Variants in CDK12 observed in about 807,000 individuals in gnomAD.
CDK12 encodes the protein cyclin-dependent kinase 12.
In CDK12, 17 loss-of-function variants were observed where a neutral mutation model predicts 133.8. The ratio of observed to expected loss-of-function variants is 0.13; its 90% confidence interval spans 0.09 to 0.19. The LOEUF (loss-of-function observed/expected upper bound fraction) is 0.19, where lower values mean the gene tolerates loss of function less well. Ranked by LOEUF, CDK12 falls within the 10% of genes least tolerant of loss-of-function variation. The probability of loss-of-function intolerance (pLI) is 1.00; values close to 1 mark genes in which losing one functional copy is unlikely to be tolerated. For synonymous variants in CDK12, 694 were observed against 683.6 expected (o/e 1.02, Z -0.24); for missense variants, 1,508 against 1,818.7 (o/e 0.83, Z 3.11).
At position 39,561,013 on chromosome 17, in the gene CDK12, C is replaced by CA. The variant is rs765704467; in HGVS notation, n.485-3738dup. Reference sequence around the variant, plus strand: ...TGGGCGACACAGCAAGACTCTGTCTCAAAAAAAAACAAACAAAAAGCAGCA... The same window carrying CA: ...TGGGCGACACAGCAAGACTCTGTCTCAAAAAAAAAACAAACAAAAAGCAGCA... On this transcript the variant is annotated intron_variant and non_coding_transcript_variant, in intron 3 of 3. Transcript: ENST00000558240. Among the ~76,000 whole-genome samples, 80 of 150,562 alleles carry CA rather than the reference C, an allele frequency of 5.3e-4. 1 individual carries two copies. The highest frequency in any genetic ancestry group is 1.6e-3 in the East Asian group (8 of 5,138).
intron 1 of CDK12, among the ~76,000 whole-genome samples, chr17:39,465,401 C>CTTT (rs55869013): frequency 6.8e-6 from 1 of 147,560 alleles, no homozygotes; most frequent in African/African-American, 2.5e-5. Flanking sequence ...CTGGATTACC[C>CTTT]TTTTTTTTTT....
intron 1 of CDK12, among the ~76,000 whole-genome samples, chr17:39,464,951 CAA>C (rs562143259): frequency 3.1e-5 from 4 of 128,768 alleles, no homozygotes; most frequent in Admixed American, 8.0e-5. Flanking sequence ...GACCCTGTCT[CAA>C]AAAAAAAAAA....
chr17:39,501,297 C>T lies in CDK12; in HGVS notation c.2467C>T (p.Leu823=), dbSNP rs2146138844. The T allele has an allele frequency of 1.9e-6, 3 of 1,612,824 alleles. No homozygotes were observed. The highest frequency in any genetic ancestry group is 2.5e-6 in the Non-Finnish European group (3 of 1,179,656). ...FEYMDHDLMG[L]LESGLVHFSE... ...GTATATGGACCATGACTTAATGGGA[C>T]TGCTAGAATCTGGTTTGGTGCACTT... The change falls in exon 6 of 14, where the codon CTG becomes TTG. Residue 823 remains leucine (L), a synonymous_variant. Transcript: ENST00000447079.
At chr17:39,515,709 C>T in intron 8 of CDK12, 22 bp from the exon 9 acceptor site, 2 of 1,532,148 alleles carry the variant, frequency 1.3e-6, no homozygotes, top group Middle Eastern at 1.7e-4. Flanking sequence ...CTCTTCTGAC[C>T]TCTCAATTTT....
At chr17:39,561,003 G>C (rs1339255588) in intron 3 of CDK12, among the ~76,000 whole-genome samples, 2 of 152,140 alleles carry the variant, frequency 1.3e-5, no homozygotes, top group African/African-American at 4.8e-5. Context: ...GACACAGCAA[G>C]ACTCTGTCTC....
intron 2 of CDK12, among the ~76,000 whole-genome samples, chr17:39,487,282 TTA>T (rs1194171698): frequency 2.6e-5 from 4 of 152,192 alleles, no homozygotes; most frequent in African/African-American, 9.6e-5. Flanking sequence ...CTGTTGAGAT[TTA>T]TGTTCTTATA....
chr17:39,517,392 G>C lies in CDK12; in HGVS notation c.2847-48G>C, dbSNP rs555458262. On this transcript the variant is annotated intron_variant, in intron 9 of 13. Coordinates refer to ENST00000447079, the MANE Select transcript of CDK12 (RefSeq NM_016507.4). Reference sequence around the variant, plus strand: ...TGCTTCTGAAACCTCCGGAATTCATGATGTTGACTCACTCACTCCATTGTT... The same window carrying C: ...TGCTTCTGAAACCTCCGGAATTCATCATGTTGACTCACTCACTCCATTGTT... The C allele has an allele frequency of 3.8e-6, 4 of 1,041,512 alleles. No individual in the cohort carries two copies. The highest frequency in any genetic ancestry group is 1.9e-5 in the Admixed American group (1 of 52,338). 64.5% of individuals were successfully genotyped at this position (1,041,512 alleles called of 1,614,324 possible).
At chr17:39,517,940 C>T (rs181601770) in intron 10 of CDK12, among the ~76,000 whole-genome samples, 1 of 151,118 alleles carries the variant, frequency 6.6e-6, no homozygotes, top group East Asian at 1.9e-4. Context: ...GCAGCCTTGA[C>T]CTGCTGGGCT....
At chr17:39,492,447 G>A (rs1276202492) in intron 3 of CDK12, among the ~76,000 whole-genome samples, 3 of 138,576 alleles carry the variant, frequency 2.2e-5, no homozygotes, top group African/African-American at 5.4e-5. Flanking sequence ...TTGCTCTGTC[G>A]CCCAGGCTGG....
chr17:39,475,423 T>G (rs567047522), intron 2 of CDK12, among the ~76,000 whole-genome samples: 12 of 152,212 alleles, frequency 7.9e-5, no homozygotes, highest in African/African-American at 2.2e-4. Flanking sequence ...CGGTGAACTA[T>G]GATTGGGCCA....
intron 5 of CDK12, among the ~76,000 whole-genome samples, chr17:39,496,596 G>A (rs2052132112): frequency 6.6e-6 from 1 of 152,004 alleles, no homozygotes; most frequent in Non-Finnish European, 1.5e-5. Context: ...AGCTACTTGG[G>A]AGGCTGAGGC....
chr17:39,487,580 AT>A (rs921846896), intron 2 of CDK12, among the ~76,000 whole-genome samples: 1 of 77,556 alleles, frequency 1.3e-5, no homozygotes, highest in Non-Finnish European at 2.9e-5. Flanking sequence ...TAGATGTCTT[AT>A]TTTTTCTGAG....
intron 6 of CDK12, among the ~76,000 whole-genome samples, chr17:39,506,507 C>T (rs778406883): frequency 2.6e-5 from 4 of 152,176 alleles, no homozygotes; most frequent in East Asian, 3.9e-4. Context: ...CGAGCCACCA[C>T]GCCTGGCCAA....
intron 6 of CDK12, 89 bp downstream of exon 6, chr17:39,501,528 C>A: frequency 1.2e-6 from 1 of 814,866 alleles, no homozygotes; most frequent in Non-Finnish European, 2.0e-6. Context: ...TATAATTAGA[C>A]CTAATAGTGC....
Position 39,533,510 on chromosome 17 carries a change from C to T in CDK12, c.*2194C>T, listed in dbSNP as rs2054985461. 3 of 233,054 alleles carry T rather than the reference C, an allele frequency of 1.3e-5. No homozygotes were observed. Among genetic ancestry groups the T allele is most frequent in the East Asian group, 1.2e-4 (2 of 16,690 alleles). The allele number at this position is 233,054 out of a possible 1,614,324, so 14.4% of individuals were successfully genotyped here. ...CTGTTCAATGAAAAAAAGTTGGTTT[C>T]CCATCAAATATGAATAAAATTCTCT... On this transcript the variant is annotated 3_prime_UTR_variant, in exon 14 of 14. Transcript: ENST00000447079.
intron 2 of CDK12, among the ~76,000 whole-genome samples, chr17:39,477,762 A>G (rs1338538226): frequency 6.6e-6 from 1 of 150,376 alleles, no homozygotes; most frequent in Non-Finnish European, 1.5e-5. Context: ...TTTAGTAGAG[A>G]TGGGGTTTCG....
At chr17:39,496,935 T>C (rs1001835545) in intron 5 of CDK12, among the ~76,000 whole-genome samples, 1 of 139,756 alleles carries the variant, frequency 7.2e-6, no homozygotes, top group Non-Finnish European at 1.5e-5. Context: ...TTTTTTTTTT[T>C]TTTTTTTAAT....
chr17:39,477,666 G>A (rs1365788235), intron 2 of CDK12, among the ~76,000 whole-genome samples: 6 of 150,414 alleles, frequency 4.0e-5, no homozygotes, highest in African/African-American at 1.5e-4. Context: ...TCCACCTCCT[G>A]GGTCCACGCT....
intron 2 of CDK12, among the ~76,000 whole-genome samples, chr17:39,476,939 C>G (rs2050259132): frequency 6.6e-6 from 1 of 150,628 alleles, no homozygotes; most frequent in South Asian, 2.1e-4. Context: ...GTTACAAACT[C>G]CTGACCTTAA....
Sources: allele counts gnomAD v4.1 joint callset (sites outside exome capture counted in the v4.1 genomes callset), GRCh38; gene constraint gnomAD v4.1.1; transcripts MANE v1.5; gene names NCBI Gene and HGNC (gene_info 2026-07-23, HGNC 2026-07-21).